GNB1: variants seen among roughly 807,000 people sequenced by gnomAD.
GNB1 encodes G protein subunit beta 1.
A neutral mutation model predicts 42.9 loss-of-function variants in GNB1; 2 were observed. That is an observed-to-expected ratio of 0.05 (90% CI 0.02 to 0.15). GNB1 has a LOEUF of 0.15. Ranked by LOEUF, GNB1 falls within the 10% of genes least tolerant of loss-of-function variation. The pLI is 1.00. For missense variants in GNB1, 193 were observed against 462.2 expected (o/e 0.42, Z 5.34); for synonymous variants, 183 against 174.7 (o/e 1.05, Z -0.38).
intron 7 of GNB1, among the ~76,000 whole-genome samples, chr1:1,796,302 A>G (rs1427956758): frequency 6.6e-6 from 1 of 152,222 alleles, no homozygotes; most frequent in African/African-American, 2.4e-5. Flanking sequence ...AACAGAGACC[A>G]GGTCTAACCC....
intron 5 of GNB1, among the ~76,000 whole-genome samples, chr1:1,808,623 A>G (rs1482110491): frequency 2.0e-5 from 3 of 148,586 alleles, no homozygotes; most frequent in Non-Finnish European, 4.5e-5. Flanking sequence ...ATCAAACGCA[A>G]GGTTTTTTGT....
At chr1:1,885,558 T>C (rs1292045418) in intron 1 of GNB1, among the ~76,000 whole-genome samples, 2 of 145,506 alleles carry the variant, frequency 1.4e-5, no homozygotes, top group South Asian at 4.5e-4. Context: ...AATCTTTTTT[T>C]TTTTTTTTTT....
At chr1:1,824,318 T>C (rs1646968788) in intron 3 of GNB1, among the ~76,000 whole-genome samples, 1 of 152,184 alleles carries the variant, frequency 6.6e-6, no homozygotes, top group Non-Finnish European at 1.5e-5. Flanking sequence ...GAATTCCATT[T>C]AGACCTACTG....
At chr1:1,812,391 TATACACACACATAC>T (rs1646793717) in intron 5 of GNB1, among the ~76,000 whole-genome samples, 1 of 110,782 alleles carries the variant, frequency 9.0e-6, no homozygotes, top group African/African-American at 3.0e-5. Flanking sequence ...CATGTATATA[TATACACACACATAC>T]ATACACACAC....
chr1:1,814,703 G>C (rs781521979), intron 5 of GNB1, among the ~76,000 whole-genome samples: 1 of 149,030 alleles, frequency 6.7e-6, no homozygotes, highest in Non-Finnish European at 1.5e-5. Flanking sequence ...TTGGGAGGCT[G>C]AGTAGGAAGG....
rs535936969 is a variant in GNB1 at position 1,883,469 on chromosome 1, CATCTT to C, written c.-96+7346_-96+7350del. Reference sequence around the variant, plus strand: ...AAAAAGAAAAATCTCAGTAAACTGTCATCTTATAACATTTGTTAACCTTGCCATAA... The same window carrying C: ...AAAAAGAAAAATCTCAGTAAACTGTCATAACATTTGTTAACCTTGCCATAA... On this transcript the variant is annotated intron_variant, in intron 1 of 11. Coordinates refer to ENST00000378609, the MANE Select transcript of GNB1 (RefSeq NM_002074.5). Among the ~76,000 whole-genome samples the C allele has an allele frequency of 1.7e-3, 255 of 152,250 alleles. 1 individual carries two copies. The highest frequency in any genetic ancestry group is 5.9e-3 in the African/African-American group (247 of 41,540).
At chr1:1,812,516 C>T (rs1429081747) in intron 5 of GNB1, among the ~76,000 whole-genome samples, 1 of 152,108 alleles carries the variant, frequency 6.6e-6, no homozygotes, top group Non-Finnish European at 1.5e-5. Flanking sequence ...CAAGCAATCT[C>T]TAGAAGGCTC....
At chr1:1,878,284 C>A (rs1382135735) in intron 1 of GNB1, among the ~76,000 whole-genome samples, 1 of 152,332 alleles carries the variant, frequency 6.6e-6, no homozygotes, top group East Asian at 1.9e-4. Context: ...GAGTGTCAGG[C>A]AGAGGGACTG....
At chr1:1,815,610 C>A in intron 5 of GNB1, 146 bp downstream of exon 5, 1 of 606,404 alleles carries the variant, frequency 1.6e-6, no homozygotes, top group East Asian at 2.8e-5. Context: ...CCTGTGAACG[C>A]TGCACCTTGC....
intron 2 of GNB1, among the ~76,000 whole-genome samples, chr1:1,837,255 A>ATTTT (rs35300114): frequency 1.4e-5 from 2 of 138,260 alleles, no homozygotes; most frequent in Admixed American, 7.3e-5. Flanking sequence ...CATTGAGTTA[A>ATTTT]TTTTTTTTTT....
intron 1 of GNB1, among the ~76,000 whole-genome samples, chr1:1,843,948 C>A (rs1314080018): frequency 1.3e-5 from 2 of 151,354 alleles, no homozygotes; most frequent in East Asian, 1.9e-4. Context: ...GTAATCCGAG[C>A]ACTTTGGGAG....
intron 2 of GNB1, among the ~76,000 whole-genome samples, chr1:1,834,889 TG>T (rs1647124984): frequency 6.6e-6 from 1 of 151,898 alleles, no homozygotes. Context: ...AGGATGGTCT[TG>T]ATCTCCTGAC....
chr1:1,818,042 C>T (rs1031430818), intron 3 of GNB1, 167 bp from the exon 4 acceptor site: 4 of 597,214 alleles, frequency 6.7e-6, no homozygotes, highest in Middle Eastern at 2.7e-4. Context: ...TGGTCTACTA[C>T]CATCTGTGGA....
chr1:1,879,896 T>C (rs1649747777), intron 1 of GNB1, among the ~76,000 whole-genome samples: 1 of 152,084 alleles, frequency 6.6e-6, no homozygotes, highest in Non-Finnish European at 1.5e-5. Flanking sequence ...CTCACATAGA[T>C]ATGCAGCTGG....
chr1:1,857,039 C>G (rs1040951687), intron 1 of GNB1, among the ~76,000 whole-genome samples: 2 of 152,146 alleles, frequency 1.3e-5, no homozygotes, highest in East Asian at 3.9e-4. Flanking sequence ...TGTCCAATCA[C>G]CTGTCTCAAA....
chr1:1,824,591 T>C (rs1646972819), intron 3 of GNB1, among the ~76,000 whole-genome samples: 1 of 152,016 alleles, frequency 6.6e-6, no homozygotes, highest in Non-Finnish European at 1.5e-5. Context: ...TTTTTTTTAT[T>C]TTTCAGGGTC....
At chr1:1,873,426 G>C (rs1649358619) in intron 1 of GNB1, among the ~76,000 whole-genome samples, 1 of 152,228 alleles carries the variant, frequency 6.6e-6, no homozygotes, top group Admixed American at 6.5e-5. Context: ...GCACAAGCCA[G>C]CCTACCTGCC....
chr1:1,887,418 A>C (rs1277051619), intron 1 of GNB1, among the ~76,000 whole-genome samples: 1 of 152,248 alleles, frequency 6.6e-6, no homozygotes, highest in East Asian at 1.9e-4. Flanking sequence ...CCAGTGGACC[A>C]ACACACACAT....
intron 1 of GNB1, among the ~76,000 whole-genome samples, chr1:1,857,283 A>C (rs1360596486): frequency 6.6e-6 from 1 of 151,604 alleles, no homozygotes; most frequent in Non-Finnish European, 1.5e-5. Flanking sequence ...GGAACCAAGA[A>C]CCCAGTCTCG....
Sources: gnomAD v4.1 joint callset for allele counts (sites outside exome capture counted in the v4.1 genomes callset) on GRCh38, gnomAD v4.1.1 for gene constraint, MANE v1.5 for transcripts, NCBI Gene and HGNC (gene_info 2026-07-23, HGNC 2026-07-21) for gene names.